PBXIP1: variants seen among roughly 807,000 people sequenced by gnomAD.
PBXIP1 encodes pre-B-cell leukemia transcription factor-interacting protein 1.
In PBXIP1, 73 loss-of-function variants were observed where a neutral mutation model predicts 73.7. The observed-to-expected ratio is 0.99, with a 90% CI of 0.82 to 1.20. The LOEUF (loss-of-function observed/expected upper bound fraction) is 1.20. Ranked by LOEUF, PBXIP1 falls within the 50% of genes most tolerant of loss-of-function variation. The probability of loss-of-function intolerance (pLI) is 0.00; values close to 1 mark genes in which losing one functional copy is unlikely to be tolerated. For synonymous variants in PBXIP1, 330 were observed against 366.9 expected (o/e 0.90, Z 1.15); for missense variants, 818 against 911.4 (o/e 0.90, Z 1.32).
rs944244069 is a variant in PBXIP1 at position 154,951,866 on chromosome 1, C to G, written c.107G>C (p.Arg36Thr). The G allele has an allele frequency of 1.2e-6, 2 of 1,613,510 alleles. No homozygotes were observed. The highest frequency in any genetic ancestry group is 1.7e-6 in the Non-Finnish European group (2 of 1,179,818). ...PASRMDPESERALQAPHSPSK... is the reference protein window; with the variant it reads ...PASRMDPESETALQAPHSPSK... ...GGGGCTGTGAGGGGCCTGCAGGGCTCTCTCAGATTCTGGGTCCATCCTGGA... is the reference window on the plus strand; with the variant it reads ...GGGGCTGTGAGGGGCCTGCAGGGCTGTCTCAGATTCTGGGTCCATCCTGGA... Residue 36 changes from arginine to threonine, a missense_variant, in exon 3 of 11, where the codon AGA becomes ACA. Coordinates refer to ENST00000368463, the MANE Select transcript of PBXIP1 (RefSeq NM_020524.4). This position sits in a 1 kb window ranked among gnomAD's most constrained non-coding sequence, Gnocchi z 4.3.
rs747928481 is a variant in PBXIP1, at chr1:154,945,146, C to T, written c.2103-29G>A. On this transcript the variant is annotated intron_variant, in intron 10 of 10. Coordinates refer to ENST00000368463, the MANE Select transcript of PBXIP1 (RefSeq NM_020524.4). ...TGGGGAGGAAGAGGCCTTTAGGGGA[C>T]AATACCATGCAATGAAAACGGGTTC... The T allele has an allele frequency of 9.8e-6, 15 of 1,530,328 alleles. No homozygotes were observed. The African/African-American group carries it at 2.0e-4, about 21-fold the overall frequency. 94.8% of individuals were successfully genotyped at this position (1,530,328 alleles called of 1,614,324 possible).
chr1:154,955,624 C>G (rs906004735), intron 1 of PBXIP1, among the ~76,000 whole-genome samples: 2 of 152,296 alleles, frequency 1.3e-5, no homozygotes, highest in Non-Finnish European at 2.9e-5. Context: ...CCACCCTTCC[C>G]TGCTGTGTTT....
chr1:154,951,376 A>C lies in PBXIP1; in HGVS notation c.265T>G (p.Cys89Gly), dbSNP rs767487127. The C allele has an allele frequency of 6.2e-7, 1 of 1,614,064 alleles. No individual in the cohort carries two copies. Among genetic ancestry groups the C allele is most frequent in the Non-Finnish European group, 8.5e-7 (1 of 1,179,996 alleles). ...EVKGTLEGDV[C>G]GVEPPGPGDT... Reference sequence around the variant, plus strand: ...CCTGGGCCAGGAGGCTCCACACCACAAACATCACCTTCCAGGGTGCCCTAA... The same window carrying C: ...CCTGGGCCAGGAGGCTCCACACCACCAACATCACCTTCCAGGGTGCCCTAA... Residue 89 changes from cysteine to glycine, a missense_variant, in exon 5 of 11, where the codon TGT becomes GGT. By Grantham distance (159) the Cys-to-Gly change is radical (BLOSUM62 -3). Coordinates refer to ENST00000368463, the MANE Select transcript of PBXIP1 (RefSeq NM_020524.4). This position sits in a 1 kb window ranked among gnomAD's most constrained non-coding sequence, Gnocchi z 4.3.
chr1:154,953,802 G>A, intron 1 of PBXIP1, 45 bp from the exon 2 acceptor site: 5 of 1,288,066 alleles, frequency 3.9e-6, no homozygotes, highest in South Asian at 3.7e-5. Context: ...CCTTCAGGAG[G>A]GGCAGAATGC....
chr1:154,947,658 GCTTCCAGCAC>G lies in PBXIP1; in HGVS notation c.712_721del (p.Val238LeufsTer9), dbSNP rs745963021. The G allele has an allele frequency of 6.2e-6, 10 of 1,613,956 alleles. No homozygotes were observed. The South Asian group carries it at 1.1e-4, about 18-fold the overall frequency. On this transcript the variant is annotated frameshift_variant, in exon 8 of 11. Coordinates refer to ENST00000368463, the MANE Select transcript of PBXIP1 (RefSeq NM_020524.4). LOFTEE classifies it high-confidence loss of function. ...CACACATACCTGCCTGTCCCCCACA[GCTTCCAGCAC>G]CTCGGGGTCTGGGAGGACCTGCCGC... is the stretch of plus-strand genomic sequence containing the variant.
chr1:154,946,642 G>C lies in PBXIP1; in HGVS notation c.1032C>G (p.Asp344Glu). 1 of 1,612,594 alleles carries C rather than the reference G, an allele frequency of 6.2e-7. No homozygotes were observed. The change falls in exon 10 of 11, where the codon GAC becomes GAG. Residue 344 changes from aspartate to glutamate, a missense_variant. Coordinates refer to ENST00000368463, the MANE Select transcript of PBXIP1 (RefSeq NM_020524.4). ...ACACCCCATCTGGGCCCCGGACACAGTCGGCCTCCAGCCCCTGGAGCCGGG... is the reference window on the plus strand; with the variant it reads ...ACACCCCATCTGGGCCCCGGACACACTCGGCCTCCAGCCCCTGGAGCCGGG... ...LRARLQGLEA[D>E]CVRGPDGVCL...
chr1:154,952,996 C>A (rs1448627355), intron 2 of PBXIP1, among the ~76,000 whole-genome samples: 1 of 152,192 alleles, frequency 6.6e-6, no homozygotes, highest in Non-Finnish European at 1.5e-5. Flanking sequence ...CTCAGAGATG[C>A]CTTTGACAAA....
At position 154,946,813 on chromosome 1, in the gene PBXIP1, G is replaced by A. The variant is rs1324202581; in HGVS notation, c.871-10C>T. On this transcript the variant is annotated splice_polypyrimidine_tract_variant and intron_variant, in intron 9 of 10. Coordinates refer to ENST00000368463, the MANE Select transcript of PBXIP1 (RefSeq NM_020524.4). ...GCTCTTCCTTTTGGGCCTAGAATAT[G>A]GTTTGGGACAAAGGAAGTCACAAAG... is the stretch of plus-strand genomic sequence containing the variant. The A allele has an allele frequency of 1.3e-6, 2 of 1,517,608 alleles. No individual in the cohort carries two copies. The highest frequency in any genetic ancestry group is 2.2e-5 in the Admixed American group (1 of 44,650). 94.0% of individuals were successfully genotyped at this position (1,517,608 alleles called of 1,614,324 possible).
chr1:154,949,327 G>C (rs920492923), intron 5 of PBXIP1, among the ~76,000 whole-genome samples: 3 of 151,868 alleles, frequency 2.0e-5, no homozygotes, highest in African/African-American at 7.3e-5. Flanking sequence ...CATTACACCC[G>C]GCTAATTTGT....
At chr1:154,948,424 G>GGA in intron 5 of PBXIP1, 58 bp from the exon 6 acceptor site, 1 of 1,243,000 alleles carries the variant, frequency 8.0e-7, no homozygotes, top group Non-Finnish European at 1.1e-6. Flanking sequence ...GGAGACACAG[G>GGA]GAGAGAGGGG....
intron 10 of PBXIP1, 85 bp downstream of exon 10, chr1:154,945,487 G>A: frequency 7.2e-7 from 1 of 1,396,092 alleles, no homozygotes; most frequent in Non-Finnish European, 9.8e-7. Context: ...CCAAAAGTAA[G>A]GATACTCAAA....
Position 154,945,107 on chromosome 1 carries a change from T to C in PBXIP1, c.2113A>G (p.Lys705Glu). Residue 705 changes from lysine to glutamate, a missense_variant, in exon 11 of 11, where the codon AAG becomes GAG. Coordinates refer to ENST00000368463, the MANE Select transcript of PBXIP1 (RefSeq NM_020524.4). ...DKALKKRSGKKDKHSQSPRAA... is the reference protein window; with the variant it reads ...DKALKKRSGKEDKHSQSPRAA... ...CTTGGGCTCTGTGAGTGCTTGTCCT[T>C]CTTCCCTGACCTGTGGGGAGGAAGA... 6.2e-7 allele frequency: 1 copy of C among 1,613,796 alleles called. No homozygotes were observed. The highest frequency in any genetic ancestry group is 8.5e-7 in the Non-Finnish European group (1 of 1,179,676).
At chr1:154,952,200 A>C (rs1287897178) in intron 2 of PBXIP1, among the ~76,000 whole-genome samples, 1 of 152,120 alleles carries the variant, frequency 6.6e-6, no homozygotes, top group Non-Finnish European at 1.5e-5. Context: ...CCCTCCCATC[A>C]AGATCAGCAG....
intron 2 of PBXIP1, 23 bp downstream of exon 2, chr1:154,953,648 G>A (rs1655081021): frequency 1.3e-6 from 2 of 1,575,036 alleles, no homozygotes; most frequent in South Asian, 1.1e-5. Context: ...CACCCCCATG[G>A]TTCCCAGGCC....
intron 2 of PBXIP1, 64 bp downstream of exon 2, chr1:154,953,607 A>C: frequency 9.6e-7 from 1 of 1,042,828 alleles, no homozygotes; most frequent in South Asian, 1.3e-5. Context: ...CCAAGAAAGA[A>C]GCCCAGCACT....
rs1654787142 is a variant in PBXIP1, at chr1:154,945,815, C to A, written c.1859G>T (p.Arg620Ile). ...VRQQELASLL[R>I]TYLARLPWAG... is the part of the protein sequence containing the mutation. ...CCAGGGCAGCCGTGCCAAGTATGTT[C>A]TTAGCAGAGAGGCCAGCTCCTGTTG... The change falls in exon 10 of 11, where the codon AGA becomes ATA. Residue 620 changes from arginine (R) to isoleucine (I), a missense_variant. Physicochemically the swap from Arg to Ile is moderately conservative, Grantham distance 97. Coordinates refer to ENST00000368463, the MANE Select transcript of PBXIP1 (RefSeq NM_020524.4). 1 of 1,614,102 alleles carries A rather than the reference C, an allele frequency of 6.2e-7. No individual in the cohort carries two copies. Among genetic ancestry groups the A allele is most frequent in the South Asian group, 1.1e-5 (1 of 91,082 alleles).
At chr1:154,952,403 C>G (rs1456556385) in intron 2 of PBXIP1, among the ~76,000 whole-genome samples, 1 of 152,074 alleles carries the variant, frequency 6.6e-6, no homozygotes, top group Non-Finnish European at 1.5e-5. Context: ...GCCCCTGACA[C>G]TCCCCCGACA....
chr1:154,945,108 C>T lies in PBXIP1; in HGVS notation c.2112G>A (p.Lys704=), dbSNP rs778139094. 2 of 1,613,720 alleles carry T rather than the reference C, an allele frequency of 1.2e-6. No homozygotes were observed. Among genetic ancestry groups the T allele is most frequent in the Admixed American group, 1.7e-5 (1 of 60,020 alleles). Reference sequence around the variant, plus strand: ...TTGGGCTCTGTGAGTGCTTGTCCTTCTTCCCTGACCTGTGGGGAGGAAGAG... The same window carrying T: ...TTGGGCTCTGTGAGTGCTTGTCCTTTTTCCCTGACCTGTGGGGAGGAAGAG... ...GDKALKKRSG[K]KDKHSQSPRA... Residue 704 remains lysine, a synonymous_variant, in exon 11 of 11, where the codon AAG becomes AAA. Coordinates refer to ENST00000368463, the MANE Select transcript of PBXIP1 (RefSeq NM_020524.4).
chr1:154,948,461 G>C, intron 5 of PBXIP1, 95 bp from the exon 6 acceptor site: 1 of 915,808 alleles, frequency 1.1e-6, no homozygotes, highest in South Asian at 1.7e-5. Context: ...AGGGAGGGAG[G>C]TCGTCAGCCC....
Sources: allele counts gnomAD v4.1 joint callset (sites outside exome capture counted in the v4.1 genomes callset), GRCh38; gene constraint gnomAD v4.1.1; non-coding constraint Gnocchi (gnomAD v3.1); transcripts MANE v1.5; gene names NCBI Gene and HGNC (gene_info 2026-07-23, HGNC 2026-07-21).